ELP2: variants seen among roughly 807,000 people sequenced by gnomAD.
The protein encoded by ELP2 is elongator acetyltransferase complex subunit 2.
A neutral mutation model predicts 119.2 loss-of-function variants in ELP2; 90 were observed. The ratio of observed to expected loss-of-function variants is 0.75; its 90% CI spans 0.64 to 0.90. The LOEUF (loss-of-function observed/expected upper bound fraction) is 0.90. Among genes scored for constraint, ELP2 ranks in the 40% least tolerant of loss-of-function variants. The pLI is 0.00. For missense variants in ELP2, 921 were observed against 967.8 expected (o/e 0.95, Z 0.64); for synonymous variants, 339 against 331.0 (o/e 1.02, Z -0.26).
intron 6 of ELP2, among the ~76,000 whole-genome samples, chr18:36,141,596 G>A (rs1039994617): frequency 2.1e-4 from 32 of 152,060 alleles, no homozygotes; most frequent in African/African-American, 7.7e-4. Context: ...TTTAGAAAGG[G>A]GTTGGTTAAC....
At chr18:36,130,135 G>A (rs935082771) in intron 1 of ELP2, 64 bp downstream of exon 1, 1 of 1,608,648 alleles carries the variant, frequency 6.2e-7, no homozygotes, top group Non-Finnish European at 8.5e-7. Context: ...GACGTGCTCC[G>A]GGCGCGCTGT....
rs777801854 is a variant in ELP2 at position 36,155,006 on chromosome 18, T to C, written c.1275+7T>C. The C allele has an allele frequency of 6.2e-7, 1 of 1,609,078 alleles. No individual in the cohort carries two copies. The highest frequency in any genetic ancestry group is 8.5e-7 in the Non-Finnish European group (1 of 1,175,630). ...GAGAAAAGACCAATCACAGGTAAAA[T>C]GTCTTATTTATTTATTTATTTTTTC... On this transcript the variant is annotated splice_region_variant and intron_variant, in intron 12 of 21. Coordinates refer to ENST00000358232, the MANE Select transcript of ELP2 (RefSeq NM_018255.4).
At chr18:36,166,935 C>A in intron 18 of ELP2, 166 bp from the exon 19 acceptor site, 1 of 543,232 alleles carries the variant, frequency 1.8e-6, no homozygotes, top group Non-Finnish European at 3.1e-6. Context: ...GTGTCCACAG[C>A]CTTCTGGTGA....
chr18:36,142,399 C>G, intron 7 of ELP2, 52 bp downstream of exon 7: 1 of 1,420,812 alleles, frequency 7.0e-7, no homozygotes, highest in Non-Finnish European at 1.0e-6. Context: ...ATATGTGTTA[C>G]TTCCAAGAAA....
At chr18:36,140,971 A>T (rs954381942) in intron 5 of ELP2, among the ~76,000 whole-genome samples, 166 bp from the exon 6 acceptor site, 3 of 152,200 alleles carry the variant, frequency 2.0e-5, no homozygotes, top group Admixed American at 2.0e-4. Context: ...TAGAGTGTTC[A>T]TTGTATTCCT....
At chr18:36,137,246 G>C (rs2089859447) in intron 3 of ELP2, 1 of 152,230 alleles carries the variant, frequency 6.6e-6, no homozygotes, top group Admixed American at 6.5e-5. Context: ...GTAAGATGAT[G>C]GTGCACTATA....
intron 1 of ELP2, among the ~76,000 whole-genome samples, chr18:36,132,548 G>A (rs182104507): frequency 6.6e-6 from 1 of 152,320 alleles, no homozygotes; most frequent in East Asian, 1.9e-4. Flanking sequence ...CTGTAAAGAG[G>A]AAGGTGCAGT....
Position 36,159,799 on chromosome 18 carries a change from G to A in ELP2, c.1599G>A (p.Gln533=), listed in dbSNP as rs550357955. 9.9e-6 allele frequency: 16 copies of A among 1,613,910 alleles called. No individual in the cohort carries two copies. Among genetic ancestry groups the A allele is most frequent in the Non-Finnish European group, 1.4e-5 (16 of 1,179,940 alleles). ...ELLTSTGFEY[Q]QVAFQPSILT... is the part of the protein sequence containing the mutation. ...TAACTAGTACTGGTTTTGAGTATCA[G>A]CAGGTGGCCTTTCAGCCCTCCATAC... Residue 533 remains glutamine (Q), a synonymous_variant, in exon 15 of 22, where the codon CAG becomes CAA. Coordinates refer to ENST00000358232, the MANE Select transcript of ELP2 (RefSeq NM_018255.4).
chr18:36,142,590 C>G (rs1017585841), intron 7 of ELP2, among the ~76,000 whole-genome samples: 55 of 152,026 alleles, frequency 3.6e-4, no homozygotes, highest in African/African-American at 1.3e-3. Flanking sequence ...TTGAAAAGTT[C>G]TTTGTAGAAC....
intron 11 of ELP2, among the ~76,000 whole-genome samples, chr18:36,150,561 G>T (rs1024903636): frequency 6.6e-6 from 1 of 152,196 alleles, no homozygotes; most frequent in Non-Finnish European, 1.5e-5. Flanking sequence ...AACCCCAGTA[G>T]TTGTTGCTGG....
intron 13 of ELP2, among the ~76,000 whole-genome samples, chr18:36,157,314 C>G (rs1054913467): frequency 6.6e-6 from 1 of 152,104 alleles, no homozygotes; most frequent in African/African-American, 2.4e-5. Context: ...CAGTCCTTCA[C>G]TTAGAGTTGA....
intron 21 of ELP2, among the ~76,000 whole-genome samples, chr18:36,172,266 CAAA>C (rs1213013809): frequency 1.3e-5 from 2 of 152,148 alleles, no homozygotes; most frequent in South Asian, 4.2e-4. Flanking sequence ...CTGTCCCCCC[CAAA>C]AAAGTATAAA....
At chr18:36,150,278 C>T (rs1223159880) in intron 11 of ELP2, among the ~76,000 whole-genome samples, 1 of 152,220 alleles carries the variant, frequency 6.6e-6, no homozygotes, top group African/African-American at 2.4e-5. Context: ...TCATCTGACA[C>T]TGCAGAATCC....
chr18:36,159,630 C>G, intron 14 of ELP2, 105 bp from the exon 15 acceptor site: 1 of 855,122 alleles, frequency 1.2e-6, no homozygotes, highest in Non-Finnish European at 2.0e-6. Context: ...GTGAATTGCA[C>G]CACTTTGAAT....
At chr18:36,152,657 T>TG (rs1171935893) in intron 11 of ELP2, among the ~76,000 whole-genome samples, 1 of 152,208 alleles carries the variant, frequency 6.6e-6, no homozygotes, top group Admixed American at 6.5e-5. Context: ...ACAGTGGCAT[T>TG]TATCCAGTCC....
intron 7 of ELP2, among the ~76,000 whole-genome samples, 176 bp from the exon 8 acceptor site, chr18:36,142,650 A>G (rs2090069664): frequency 6.6e-6 from 1 of 152,198 alleles, no homozygotes; most frequent in Non-Finnish European, 1.5e-5. Context: ...CATTGTATGC[A>G]TATTTGTCAA....
chr18:36,154,822 A>G (rs377186641), intron 11 of ELP2, 28 bp from the exon 12 acceptor site: 1 of 1,613,536 alleles, frequency 6.2e-7, no homozygotes, highest in Non-Finnish European at 8.5e-7. Flanking sequence ...GAGTATTTTG[A>G]TATGTGATAT....
At chr18:36,142,388 A>G (rs1247797579) in intron 7 of ELP2, 41 bp downstream of exon 7, 1 of 1,477,480 alleles carries the variant, frequency 6.8e-7, no homozygotes, top group Non-Finnish European at 9.5e-7. Context: ...AATGGGAACA[A>G]ATATGTGTTA....
At chr18:36,132,729 G>C (rs562784498) in intron 1 of ELP2, among the ~76,000 whole-genome samples, 1 of 152,232 alleles carries the variant, frequency 6.6e-6, no homozygotes, top group South Asian at 2.1e-4. Flanking sequence ...GTGCCACTGG[G>C]TCTGAAAAAC....
Sources: gnomAD v4.1 joint callset for allele counts (sites outside exome capture counted in the v4.1 genomes callset) on GRCh38, gnomAD v4.1.1 for gene constraint, MANE v1.5 for transcripts, NCBI Gene and HGNC (gene_info 2026-07-23, HGNC 2026-07-21) for gene names.